Variants in ANKRD30A observed in about 807,000 individuals in gnomAD.
ANKRD30A encodes ankyrin repeat domain-containing protein 30A.
A neutral mutation model predicts 166.3 loss-of-function variants in ANKRD30A; 170 were observed. The observed-to-expected ratio is 1.02, with a 90% CI of 0.90 to 1.16. ANKRD30A has a LOEUF of 1.16. Ranked by LOEUF, ANKRD30A falls within the 50% of genes most tolerant of loss-of-function variation. ANKRD30A has a pLI of 0.00. For synonymous variants in ANKRD30A, 564 were observed against 508.9 expected, an observed-to-expected ratio of 1.11 and a Z score of -1.46; for missense variants, 1,630 against 1,518.0, an observed-to-expected ratio of 1.07 and a Z score of -1.23.
At chr10:37,195,706 AAC>A (rs1398576434) in intron 27 of ANKRD30A, among the ~76,000 whole-genome samples, 5 of 152,188 alleles carry the variant, frequency 3.3e-5, no homozygotes, top group African/African-American at 4.8e-5. Flanking sequence ...CATCCTGACT[AAC>A]ACAGTGAAAC....
In ANKRD30A at chr10:37,219,365, G is replaced by A; in HGVS notation, c.3653G>A (p.Ser1218Asn). Residue 1218 changes from serine (S) to asparagine (N), a missense_variant, in exon 34 of 36, where the codon AGT (serine) becomes AAT (asparagine). This residue lies in a region of ANKRD30A where 712 missense variants were observed against 629.3 expected (regional missense o/e 1.13). Coordinates refer to ENST00000361713, the MANE Select transcript of ANKRD30A (RefSeq NM_052997.3). ...DHDQIVTSRK[S>N]QEPAFHIAGD... ...GATCAAATTGTGACATCAAGAAAAA[G>A]TCAAGAACCTGCTTTCCACATTGCA... 1 of 1,610,458 alleles carries A rather than the reference G, an allele frequency of 6.2e-7. No homozygotes were observed. Among genetic ancestry groups the A allele is most frequent in the Non-Finnish European group, 8.5e-7 (1 of 1,177,664 alleles).
the ANKRD30A span, among the ~76,000 whole-genome samples, chr10:37,240,137 C>T: frequency 6.6e-6 from 1 of 151,992 alleles, no homozygotes; most frequent in African/African-American, 2.4e-5. Context: ...TATTTTTGTA[C>T]ACATATTTAA....
chr10:37,132,212 A>G (rs759568620), intron 3 of ANKRD30A, 28 bp from the exon 4 acceptor site: 1 of 1,456,346 alleles, frequency 6.9e-7, no homozygotes, highest in African/African-American at 1.4e-5. Context: ...TAATTTCATG[A>G]ATTATAAATT....
At chr10:37,244,752 C>T in the ANKRD30A span, among the ~76,000 whole-genome samples, 1 of 152,228 alleles carries the variant, frequency 6.6e-6, no homozygotes, top group African/African-American at 2.4e-5. Flanking sequence ...TTCTCCATCT[C>T]TGCATGGATG....
the ANKRD30A span, among the ~76,000 whole-genome samples, chr10:37,245,444 T>C: frequency 1.3e-5 from 2 of 152,272 alleles, no homozygotes; most frequent in South Asian, 4.1e-4. Flanking sequence ...ACTGCAAGAA[T>C]AATGTTGAAT....
At chr10:37,151,134 C>A (rs1017453743) in intron 11 of ANKRD30A, among the ~76,000 whole-genome samples, 1 of 151,770 alleles carries the variant, frequency 6.6e-6, no homozygotes, top group Non-Finnish European at 1.5e-5. Flanking sequence ...GAAACGTATG[C>A]ATAGTGATGA....
At chr10:37,162,618 T>C (rs759178916) in intron 15 of ANKRD30A, 31 bp from the exon 16 acceptor site, 185 of 1,611,464 alleles carry the variant, frequency 1.1e-4, no homozygotes, top group Middle Eastern at 2.2e-4. Flanking sequence ...TATTTACATA[T>C]GATTGATGAT....
rs913648192 is a variant in ANKRD30A at position 37,166,801 on chromosome 10, C to A, written c.2155+106C>A. 5.4e-5 allele frequency: 80 copies of A among 1,495,100 alleles called. No individual in the cohort carries two copies. The East Asian group carries it at 6.7e-4, about 12-fold the overall frequency. 92.6% of individuals were successfully genotyped at this position (1,495,100 alleles called of 1,614,324 possible). ...AAGAAAATTACCTCCTAAATGCAAA[C>A]CATGGAAAAAAAGAGAAGTGCAATG... On this transcript the variant is annotated intron_variant, in intron 19 of 35. Coordinates refer to ENST00000361713, the MANE Select transcript of ANKRD30A (RefSeq NM_052997.3).
chr10:37,193,410 G>C, intron 27 of ANKRD30A, 152 bp downstream of exon 27: 1 of 1,230,384 alleles, frequency 8.1e-7, no homozygotes, highest in Admixed American at 2.8e-5. Flanking sequence ...TTCTGTTTGA[G>C]AAAATGCCAT....
intron 3 of ANKRD30A, among the ~76,000 whole-genome samples, chr10:37,131,977 T>C (rs1321593477): frequency 6.6e-6 from 1 of 152,182 alleles, no homozygotes; most frequent in East Asian, 1.9e-4. Flanking sequence ...CTCAAGAAGC[T>C]CTTGGTTTAG....
At chr10:37,240,332 C>T in the ANKRD30A span, among the ~76,000 whole-genome samples, 1 of 152,092 alleles carries the variant, frequency 6.6e-6, no homozygotes, top group East Asian at 1.9e-4. Flanking sequence ...AGGCATCATT[C>T]TCTTCTCAAG....
chr10:37,258,907 G>C, the ANKRD30A span, among the ~76,000 whole-genome samples: 1 of 142,940 alleles, frequency 7.0e-6, no homozygotes, highest in Non-Finnish European at 1.5e-5. Context: ...AGGTTGCAGT[G>C]AGCCGAGATT....
chr10:37,154,692 G>C (rs527644300), intron 13 of ANKRD30A, among the ~76,000 whole-genome samples: 1 of 152,324 alleles, frequency 6.6e-6, no homozygotes, highest in East Asian at 1.9e-4. Flanking sequence ...CAGAGAGATT[G>C]TGAGGCAGGA....
chr10:37,225,883 C>G (rs1843123764), intron 34 of ANKRD30A, among the ~76,000 whole-genome samples: 1 of 151,528 alleles, frequency 6.6e-6, no homozygotes, highest in African/African-American at 2.4e-5. Flanking sequence ...ATTATACAAT[C>G]GTCACCACAA....
intron 31 of ANKRD30A, among the ~76,000 whole-genome samples, chr10:37,206,915 A>G (rs1051282729): frequency 6.6e-6 from 1 of 152,206 alleles, no homozygotes; most frequent in Non-Finnish European, 1.5e-5. Flanking sequence ...TGATTTTTAC[A>G]TAAATATTAT....
chr10:37,225,292 A>C (rs552320393), intron 34 of ANKRD30A, among the ~76,000 whole-genome samples: 2 of 151,870 alleles, frequency 1.3e-5, no homozygotes, highest in South Asian at 4.1e-4. Context: ...AGAGAGGGTC[A>C]TAATTTATTG....
chr10:37,192,040 G>T (rs1323895301), intron 25 of ANKRD30A, among the ~76,000 whole-genome samples: 2 of 149,538 alleles, frequency 1.3e-5, no homozygotes, highest in East Asian at 3.9e-4. Flanking sequence ...CACATTACAT[G>T]TTTTTTCTTT....
chr10:37,254,683 C>CTT, the ANKRD30A span, among the ~76,000 whole-genome samples: 48 of 126,536 alleles, frequency 3.8e-4, no homozygotes, highest in Non-Finnish European at 4.8e-4. Flanking sequence ...CTTTTCTTTT[C>CTT]TTTTTTTTTT....
intron 3 of ANKRD30A, among the ~76,000 whole-genome samples, chr10:37,131,456 A>G (rs552516326): frequency 6.6e-6 from 1 of 152,284 alleles, no homozygotes; most frequent in African/African-American, 2.4e-5. Flanking sequence ...GTAATAGGAG[A>G]AACCCCATGG....
Sources: gnomAD v4.1 joint callset for allele counts (sites outside exome capture counted in the v4.1 genomes callset) on GRCh38, gnomAD v4.1.1 for gene constraint, gnomAD v4.1.1 regional missense constraint, MANE v1.5 for transcripts, NCBI Gene and HGNC (gene_info 2026-07-23, HGNC 2026-07-21) for gene names.